LIMD1: variants seen among roughly 807,000 people sequenced by gnomAD.
The protein encoded by LIMD1 is LIM domain-containing protein 1.
LIMD1 carries 23 observed loss-of-function variants against 58.4 expected under a neutral mutation model. The observed-to-expected ratio is 0.39, with a 90% CI of 0.28 to 0.56. The LOEUF is 0.56. Among genes scored for constraint, LIMD1 ranks in the 20% least tolerant of loss-of-function variants. LIMD1 has a pLI of 0.57. For synonymous variants in LIMD1, 334 were observed against 345.5 expected, an observed-to-expected ratio of 0.97 and a Z score of 0.37; for missense variants, 838 against 855.5, an observed-to-expected ratio of 0.98 and a Z score of 0.25.
rs1267104721 is a variant in LIMD1, at chr3:45,683,616, C to G, written c.*6557C>G. 1 of 152,186 alleles carries G rather than the reference C, an allele frequency of 6.6e-6. No individual in the cohort carries two copies. The highest frequency in any genetic ancestry group is 1.5e-5 in the Non-Finnish European group (1 of 68,050). The allele number at this position is 152,186 out of a possible 1,614,324, so 9.4% of individuals were successfully genotyped here. ...TTTGCTTCAGCCTCTGATTGGTCCC[C>G]TCCCACAACCAATCAAACTGATCAT... On this transcript the variant is annotated 3_prime_UTR_variant, in exon 8 of 8. Coordinates refer to ENST00000273317, the MANE Select transcript of LIMD1 (RefSeq NM_014240.3).
chr3:45,629,123 A>C (rs971483750), intron 1 of LIMD1, among the ~76,000 whole-genome samples: 3 of 152,098 alleles, frequency 2.0e-5, no homozygotes, highest in African/African-American at 7.2e-5. Context: ...TAGAAATGTC[A>C]CAACACGGGG....
chr3:45,632,447 T>G, intron 1 of LIMD1: 1 of 891,972 alleles, frequency 1.1e-6, no homozygotes, highest in Non-Finnish European at 1.3e-6. Context: ...CTAAGTGCAC[T>G]CTGTCTGTGG....
rs545798040 is a variant in LIMD1 at position 45,618,023 on chromosome 3, T to C, written c.1409-18127T>C. 1.9e-4 allele frequency among the ~76,000 whole-genome samples: 29 copies of C among 152,348 alleles called. 1 individual carries two copies. The highest frequency in any genetic ancestry group is 6.7e-4 in the African/African-American group (28 of 41,584). ...TTTTTCTGGAAAAATGAAAGGATTTTCATTCTGGTTCCCTTCTGGTTCCGT... is the reference window on the plus strand; with the variant it reads ...TTTTTCTGGAAAAATGAAAGGATTTCCATTCTGGTTCCCTTCTGGTTCCGT... On this transcript the variant is annotated intron_variant, in intron 1 of 7. Coordinates refer to ENST00000273317, the MANE Select transcript of LIMD1 (RefSeq NM_014240.3).
intron 2 of LIMD1, among the ~76,000 whole-genome samples, chr3:45,644,443 C>G (rs1266197651): frequency 6.6e-6 from 1 of 152,194 alleles, no homozygotes; most frequent in African/African-American, 2.4e-5. Context: ...GTAAAACAGT[C>G]ACTGCGATAT....
chr3:45,629,982 A>G (rs1299274885), intron 1 of LIMD1, among the ~76,000 whole-genome samples: 1 of 152,204 alleles, frequency 6.6e-6, no homozygotes, highest in Non-Finnish European at 1.5e-5. Context: ...AAGCTGTTTT[A>G]TAAGAAGATT....
chr3:45,613,903 C>T (rs964872181), intron 1 of LIMD1, among the ~76,000 whole-genome samples: 5 of 152,160 alleles, frequency 3.3e-5, no homozygotes, highest in South Asian at 4.1e-4. Context: ...TTTTTAGCAA[C>T]TGCCAAAAAC....
chr3:45,681,844 T>C lies in LIMD1; in HGVS notation c.*4785T>C, dbSNP rs1388732138. 6.6e-6 allele frequency: 1 copy of C among 152,250 alleles called. No individual in the cohort carries two copies. The highest frequency in any genetic ancestry group is 1.5e-5 in the Non-Finnish European group (1 of 68,044). 9.4% of individuals were successfully genotyped at this position (152,250 alleles called of 1,614,324 possible). ...AGTTTCTTTTACTGGACCTTTAAGATTGAGACTTGTAAGGTCCTGATGCAG... is the reference window on the plus strand; with the variant it reads ...AGTTTCTTTTACTGGACCTTTAAGACTGAGACTTGTAAGGTCCTGATGCAG... On this transcript the variant is annotated 3_prime_UTR_variant, in exon 8 of 8. Coordinates refer to ENST00000273317, the MANE Select transcript of LIMD1 (RefSeq NM_014240.3).
At chr3:45,630,925 T>C (rs891137076) in intron 1 of LIMD1, among the ~76,000 whole-genome samples, 4 of 152,134 alleles carry the variant, frequency 2.6e-5, no homozygotes, top group Non-Finnish European at 4.4e-5. Flanking sequence ...CAAGTCTGGC[T>C]AGGTGCGGTG....
chr3:45,596,419 G>C, intron 1 of LIMD1, 132 bp downstream of exon 1: 1 of 728,414 alleles, frequency 1.4e-6, no homozygotes, highest in Non-Finnish European at 2.2e-6. Context: ...TTATTTTTTT[G>C]TTTTGGGCTT....
In LIMD1 at chr3:45,684,482, A is replaced by G. The variant is rs369311776; in HGVS notation, c.*7423A>G. 1.1e-4 allele frequency: 17 copies of G among 152,350 alleles called. No homozygotes were observed. The highest frequency in any genetic ancestry group is 4.1e-4 in the African/African-American group (17 of 41,584). 9.4% of individuals were successfully genotyped at this position (152,350 alleles called of 1,614,324 possible). A position where few individuals can be genotyped will look rare whatever the true frequency, so the allele number is the denominator to read the frequency against. On this transcript the variant is annotated 3_prime_UTR_variant, in exon 8 of 8. Coordinates refer to ENST00000273317, the MANE Select transcript of LIMD1 (RefSeq NM_014240.3). ...TGCCAAGAAGATTAACAACACGGACACACGTGGGTGGGTTAAGGAGCAGAA... is the reference window on the plus strand; with the variant it reads ...TGCCAAGAAGATTAACAACACGGACGCACGTGGGTGGGTTAAGGAGCAGAA...
At chr3:45,665,824 AG>A in intron 3 of LIMD1, 107 bp downstream of exon 3, 1 of 920,906 alleles carries the variant, frequency 1.1e-6, no homozygotes, top group Non-Finnish European at 1.7e-6. Flanking sequence ...TGCTGGAGAG[AG>A]GGGCCCTGCC....
chr3:45,657,806 A>C (rs1697357669), intron 2 of LIMD1, among the ~76,000 whole-genome samples: 1 of 152,234 alleles, frequency 6.6e-6, no homozygotes, highest in Non-Finnish European at 1.5e-5. Flanking sequence ...GAAAGTTAGG[A>C]GTAATCCTTG....
chr3:45,653,298 C>T (rs1343546552), intron 2 of LIMD1, among the ~76,000 whole-genome samples: 2 of 152,112 alleles, frequency 1.3e-5, no homozygotes, highest in Admixed American at 6.5e-5. Flanking sequence ...TTTGAGGAAA[C>T]GGAAGGTCAG....
At chr3:45,670,279 C>CTAG (rs1315046475) in intron 4 of LIMD1, among the ~76,000 whole-genome samples, 2 of 152,210 alleles carry the variant, frequency 1.3e-5, no homozygotes, top group Non-Finnish European at 2.9e-5. Flanking sequence ...ATTCTTAGTT[C>CTAG]TAGTAATCCT....
chr3:45,608,892 A>G (rs1445831562), intron 1 of LIMD1, among the ~76,000 whole-genome samples: 1 of 151,934 alleles, frequency 6.6e-6, no homozygotes, highest in South Asian at 2.1e-4. Context: ...CAAACACTGA[A>G]TTAGTGATAA....
rs1448391220 is a variant in LIMD1, at chr3:45,672,876, CAG to C, written c.1772+59_1772+60del. On this transcript the variant is annotated intron_variant, in intron 5 of 7. Transcript: ENST00000273317. ...TTCGTGTAGGCCAAGCTGATCTCAG[CAG>C]AGTGAGTGGTGGAAACCGACAAAAC... 19 of 1,599,304 alleles carry C rather than the reference CAG, an allele frequency of 1.2e-5. No individual in the cohort carries two copies. The South Asian group carries it at 2.1e-4, about 18-fold the overall frequency.
chr3:45,633,917 G>A (rs1701761301), intron 1 of LIMD1, among the ~76,000 whole-genome samples: 1 of 152,166 alleles, frequency 6.6e-6, no homozygotes, highest in South Asian at 2.1e-4. Context: ...AGAAGGCTGG[G>A]GATTTGCAGC....
At chr3:45,609,145 A>G (rs1287770088) in intron 1 of LIMD1, among the ~76,000 whole-genome samples, 2 of 152,210 alleles carry the variant, frequency 1.3e-5, no homozygotes, top group Admixed American at 6.5e-5. Context: ...GACCTTGATT[A>G]CCTGTTAGAG....
intron 2 of LIMD1, among the ~76,000 whole-genome samples, chr3:45,654,241 T>G (rs1702003473): frequency 6.6e-6 from 1 of 152,218 alleles, no homozygotes; most frequent in African/African-American, 2.4e-5. Context: ...GAAACTCTTC[T>G]CATTGTTGGG....
Sources: allele counts gnomAD v4.1 joint callset (sites outside exome capture counted in the v4.1 genomes callset), GRCh38; gene constraint gnomAD v4.1.1; transcripts MANE v1.5; gene names NCBI Gene and HGNC (gene_info 2026-07-23, HGNC 2026-07-21).